Variants in SLC22A3 observed in about 807,000 individuals in gnomAD.
SLC22A3 encodes the protein EMT organic cation transporter 3.
In SLC22A3, 51 loss-of-function variants were observed where a neutral mutation model predicts 59.1. The ratio of observed to expected loss-of-function variants is 0.86; its 90% CI spans 0.69 to 1.09. SLC22A3 has a LOEUF of 1.09. Among genes scored for constraint, SLC22A3 ranks in the 50% least tolerant of loss-of-function variants. The probability of loss-of-function intolerance (pLI) is 0.00; values close to 1 mark genes in which losing one functional copy is unlikely to be tolerated. For missense variants in SLC22A3, 711 were observed against 726.3 expected, an observed-to-expected ratio of 0.98 and a Z score of 0.24; for synonymous variants, 325 against 292.0, an observed-to-expected ratio of 1.11 and a Z score of -1.15.
chr6:160,452,294 AT>A lies in SLC22A3; in HGVS notation c.*1243del, dbSNP rs1271728736. ...GGAAACATTAACCATGAGGAAGAGC[AT>A]TTTTCTAAGGAGAACAGGTGACAAT... On this transcript the variant is annotated 3_prime_UTR_variant, in exon 11 of 11. Coordinates refer to ENST00000275300, the MANE Select transcript of SLC22A3 (RefSeq NM_021977.4). 6.6e-6 allele frequency: 1 copy of A among 152,238 alleles called. No homozygotes were observed. The highest frequency in any genetic ancestry group is 1.5e-5 in the Non-Finnish European group (1 of 68,042). 9.4% of individuals were successfully genotyped at this position (152,238 alleles called of 1,614,324 possible).
At chr6:160,439,325 G>A (rs916761712) in intron 7 of SLC22A3, among the ~76,000 whole-genome samples, 7 of 152,080 alleles carry the variant, frequency 4.6e-5, no homozygotes, top group African/African-American at 1.2e-4. Context: ...TGTTCTCATC[G>A]TATGTGGACT....
intron 9 of SLC22A3, 147 bp downstream of exon 9, chr6:160,443,889 T>C (rs555563455): frequency 2.2e-6 from 1 of 447,804 alleles, no homozygotes; most frequent in South Asian, 7.3e-5. Flanking sequence ...TGATATTAAT[T>C]TCATCTTATT....
intron 1 of SLC22A3, among the ~76,000 whole-genome samples, chr6:160,378,824 T>C (rs1184080940): frequency 1.3e-5 from 2 of 152,190 alleles, no homozygotes; most frequent in Non-Finnish European, 1.5e-5. Flanking sequence ...GCTCATGTAA[T>C]TTATTGGATA....
At chr6:160,442,701 G>A (rs180882957) in intron 7 of SLC22A3, 60 bp from the exon 8 acceptor site, 34 of 1,283,600 alleles carry the variant, frequency 2.6e-5, no homozygotes, top group East Asian at 2.6e-4. Flanking sequence ...TTGTTGTTCT[G>A]TAAAATGTTA....
intron 1 of SLC22A3, among the ~76,000 whole-genome samples, chr6:160,397,362 T>A (rs542278709): frequency 1.3e-5 from 2 of 152,012 alleles, no homozygotes; most frequent in South Asian, 2.1e-4. Flanking sequence ...TTCTGTGCGG[T>A]CTGGTTCCTA....
chr6:160,374,878 T>C (rs1785533054), intron 1 of SLC22A3, among the ~76,000 whole-genome samples: 2 of 152,186 alleles, frequency 1.3e-5, no homozygotes, highest in South Asian at 4.1e-4. Context: ...GAAATGAATG[T>C]GTGTCTTGTC....
intron 1 of SLC22A3, among the ~76,000 whole-genome samples, chr6:160,390,673 A>G (rs1001623962): frequency 2.0e-5 from 3 of 152,184 alleles, no homozygotes; most frequent in African/African-American, 7.2e-5. Flanking sequence ...CACAAAGCTC[A>G]TCCCTGAATT....
chr6:160,392,492 C>G (rs1046973933), intron 1 of SLC22A3, among the ~76,000 whole-genome samples: 4 of 152,246 alleles, frequency 2.6e-5, no homozygotes, highest in Admixed American at 2.6e-4. Flanking sequence ...GGGACAGAAA[C>G]AAGGTGTGTA....
intron 1 of SLC22A3, among the ~76,000 whole-genome samples, chr6:160,353,219 C>T (rs796370804): frequency 7.2e-5 from 11 of 152,332 alleles, no homozygotes; most frequent in African/African-American, 2.6e-4. Flanking sequence ...ATTCATGCAG[C>T]AATGCTTTCT....
intron 5 of SLC22A3, among the ~76,000 whole-genome samples, chr6:160,426,839 G>T (rs1381138184): frequency 2.0e-5 from 3 of 152,180 alleles, no homozygotes. Flanking sequence ...CGGATCCCTT[G>T]GGTCCTGGTG....
chr6:160,360,569 AAAC>A (rs1292538137), intron 1 of SLC22A3, among the ~76,000 whole-genome samples: 2 of 152,234 alleles, frequency 1.3e-5, no homozygotes, highest in African/African-American at 4.8e-5. Flanking sequence ...GAACATAAAC[AAAC>A]AACAACTACT....
intron 3 of SLC22A3, among the ~76,000 whole-genome samples, chr6:160,407,982 T>G (rs530807306): frequency 6.6e-6 from 1 of 151,914 alleles, no homozygotes; most frequent in African/African-American, 2.4e-5. Context: ...TTTCTGTGAG[T>G]GGGAGAAGGA....
intron 2 of SLC22A3, 53 bp downstream of exon 2, chr6:160,398,135 A>G (rs1232130604): frequency 8.2e-5 from 105 of 1,281,964 alleles, no homozygotes; most frequent in Non-Finnish European, 1.1e-4. Context: ...ATGCATTAAT[A>G]CGGGGAGAAA....
chr6:160,401,389 A>G (rs1455720968), intron 2 of SLC22A3, among the ~76,000 whole-genome samples: 1 of 152,020 alleles, frequency 6.6e-6, no homozygotes, highest in Non-Finnish European at 1.5e-5. Context: ...GTAAGCAAGA[A>G]GAAAGTGGAA....
rs534115120 is a variant in SLC22A3 at position 160,397,305 on chromosome 6, G to A, written c.430-674G>A. On this transcript the variant is annotated intron_variant, in intron 1 of 10. Transcript: ENST00000275300. ...TAATGCCGCTGCTGAGCTGACAGGA[G>A]GCAGAGCTCAGGCAGTAATGCTCGT... 2.6e-5 allele frequency among the ~76,000 whole-genome samples: 4 copies of A among 152,142 alleles called. No homozygotes were observed. The East Asian group carries it at 7.7e-4, about 29-fold the overall frequency.
At chr6:160,356,440 C>T (rs1375441037) in intron 1 of SLC22A3, among the ~76,000 whole-genome samples, 1 of 152,206 alleles carries the variant, frequency 6.6e-6, no homozygotes, top group Admixed American at 6.5e-5. Flanking sequence ...TTTTAATGTG[C>T]TGACGTCCAT....
chr6:160,402,574 A>T (rs1315617308), intron 2 of SLC22A3, among the ~76,000 whole-genome samples: 2 of 151,902 alleles, frequency 1.3e-5, no homozygotes, highest in Non-Finnish European at 2.9e-5. Flanking sequence ...ATCTAACAAC[A>T]GCAGACTTAA....
chr6:160,350,487 G>A (rs188809480), intron 1 of SLC22A3, among the ~76,000 whole-genome samples: 99 of 152,296 alleles, frequency 6.5e-4, no homozygotes, highest in Admixed American at 3.3e-3. Context: ...ATGAGAGAGG[G>A]CATTATCTCT....
intron 5 of SLC22A3, among the ~76,000 whole-genome samples, chr6:160,416,534 C>T (rs773140223): frequency 2.6e-5 from 4 of 152,172 alleles, no homozygotes; most frequent in East Asian, 3.9e-4. Flanking sequence ...AGCATGACAG[C>T]GTCTCACAAT....
Sources: gnomAD v4.1 joint callset for allele counts (sites outside exome capture counted in the v4.1 genomes callset) on GRCh38, gnomAD v4.1.1 for gene constraint, MANE v1.5 for transcripts, NCBI Gene and HGNC (gene_info 2026-07-23, HGNC 2026-07-21) for gene names.